The following NKX6-1 variants were observed in gnomAD, a reference collection of about 807,000 sequenced individuals.
NKX6-1 encodes the protein NK6 homeobox 1.
Under a neutral mutation model 24.9 loss-of-function variants are expected in NKX6-1, and 11 were observed. The observed-to-expected ratio is 0.44, with a 90% CI of 0.28 to 0.73. The LOEUF (loss-of-function observed/expected upper bound fraction) is 0.73. Among genes scored for constraint, NKX6-1 ranks in the 30% least tolerant of loss-of-function variants. The pLI, the probability that NKX6-1 is intolerant of heterozygous loss-of-function variation, is 0.15. For synonymous variants in NKX6-1, 277 were observed against 242.9 expected, an observed-to-expected ratio of 1.14 and a Z score of -1.31; for missense variants, 487 against 502.9, an observed-to-expected ratio of 0.97 and a Z score of 0.30.
chr4:84,498,308 G>A lies in NKX6-1; in HGVS notation c.-80C>T, dbSNP rs1177692537. ...CCCGCGGGGCTCAGAGGAGCCGGAAGCGCCGAGGGCGCGAGCGGAGAGGCA... is the reference window on the plus strand; with the variant it reads ...CCCGCGGGGCTCAGAGGAGCCGGAAACGCCGAGGGCGCGAGCGGAGAGGCA... On this transcript the variant is annotated 5_prime_UTR_variant, in exon 1 of 3. Coordinates refer to ENST00000295886, the MANE Select transcript of NKX6-1 (RefSeq NM_006168.3). 7 of 1,260,624 alleles carry A rather than the reference G, an allele frequency of 5.6e-6. No individual in the cohort carries two copies. Among genetic ancestry groups the A allele is most frequent in the Non-Finnish European group, 7.0e-6 (7 of 1,002,824 alleles). 78.1% of individuals were successfully genotyped at this position (1,260,624 alleles called of 1,614,324 possible). A position where few individuals can be genotyped will look rare whatever the true frequency, so the allele number is the denominator to read the frequency against.
rs1325492497 is a variant in NKX6-1, at chr4:84,497,971, G to A, written c.258C>T (p.Pro86=). Residue 86 remains proline, a synonymous_variant, in exon 1 of 3, where the codon CCC becomes CCT. Transcript: ENST00000295886. This position sits in a 1 kb window ranked among gnomAD's most constrained non-coding sequence, Gnocchi z 4.8. Reference sequence around the variant, plus strand: ...GGGTGGCGGCCGAGAGCTGCTGCGGGGGGCTGCCGAGGGATGAGAGCCCCC... The same window carrying A: ...GGGTGGCGGCCGAGAGCTGCTGCGGAGGGCTGCCGAGGGATGAGAGCCCCC... ...ATGGLSSLGS[P]PQQLSAATPH... The A allele has an allele frequency of 6.2e-6, 8 of 1,298,044 alleles. No homozygotes were observed. Among genetic ancestry groups the A allele is most frequent in the Non-Finnish European group, 7.8e-6 (8 of 1,019,976 alleles). 80.4% of individuals were successfully genotyped at this position (1,298,044 alleles called of 1,614,324 possible).
chr4:84,496,275 C>T (rs1373576114), intron 1 of NKX6-1, among the ~76,000 whole-genome samples: 1 of 152,012 alleles, frequency 6.6e-6, no homozygotes, highest in East Asian at 1.9e-4. Flanking sequence ...CTTCCCTAAC[C>T]TGTGTCCAGG....
At chr4:84,495,933 A>G (rs920429639) in intron 1 of NKX6-1, 89 bp from the exon 2 acceptor site, 11 of 1,335,680 alleles carry the variant, frequency 8.2e-6, no homozygotes, top group Admixed American at 1.8e-5. Context: ...TCGAAAAACA[A>G]TGTTTTGTGG....
chr4:84,494,344 T>G (rs1720780697), intron 2 of NKX6-1, among the ~76,000 whole-genome samples: 1 of 152,234 alleles, frequency 6.6e-6, no homozygotes. Context: ...CTTTCAAATG[T>G]TATTTTAACT....
At position 84,497,892 on chromosome 4, in the gene NKX6-1, C is replaced by A; in HGVS notation, c.337G>T (p.Ala113Ser). The A allele has an allele frequency of 2.3e-6, 3 of 1,283,272 alleles. No individual in the cohort carries two copies. The highest frequency in any genetic ancestry group is 2.9e-5 in the East Asian group (1 of 34,224). 79.5% of individuals were successfully genotyped at this position (1,283,272 alleles called of 1,614,324 possible). ...SRPSMPVASGAALPSASPSGS... is the reference protein window; with the variant it reads ...SRPSMPVASGSALPSASPSGS... ...GAGGGCGAGGCGGAGGGCAGGGCGG[C>A]CCCCGAGGCCACGGGCATGGAGGGC... is the stretch of plus-strand genomic sequence containing the variant. Residue 113 changes from alanine to serine, a missense_variant, in exon 1 of 3, where the codon GCC (alanine) becomes TCC (serine). Physicochemically the swap from Ala to Ser is moderately conservative, Grantham distance 99. Around this residue, in one of 3 missense-constraint regions of NKX6-1, gnomAD observed 316 missense variants for 311.4 expected, o/e 1.01. Transcript: ENST00000295886. The surrounding 1 kb of genome is among the most constrained non-coding windows in gnomAD (Gnocchi z 4.8).
At position 84,493,518 on chromosome 4, in the gene NKX6-1, C is replaced by T; in HGVS notation, c.875G>A (p.Arg292Lys). The change falls in exon 3 of 3, where the codon AGG becomes AAG. Residue 292 changes from arginine to lysine, a missense_variant. Around this residue, in one of 3 missense-constraint regions of NKX6-1, gnomAD observed 126 missense variants for 105.5 expected, o/e 1.19. Transcript: ENST00000295886. The surrounding 1 kb of genome is among the most constrained non-coding windows in gnomAD (Gnocchi z 5.1). Reference sequence around the variant, plus strand: ...GGCCATCTCGGCAGCGTGCTTCTTCCTCCACTTGGTCCGGCGGTTCTGGAA... The same window carrying T: ...GGCCATCTCGGCAGCGTGCTTCTTCTTCCACTTGGTCCGGCGGTTCTGGAA... ...VWFQNRRTKW[R>K]KKHAAEMATA... is the part of the protein sequence containing the mutation. 1 of 1,614,224 alleles carries T rather than the reference C, an allele frequency of 6.2e-7. No homozygotes were observed. The highest frequency in any genetic ancestry group is 8.5e-7 in the Non-Finnish European group (1 of 1,180,048).
Position 84,491,994 on chromosome 4 carries a change from TG to T in NKX6-1, c.*1294del. 1 of 152,230 alleles carries T rather than the reference TG, an allele frequency of 6.6e-6. No individual in the cohort carries two copies. Among genetic ancestry groups the T allele is most frequent in the Non-Finnish European group, 1.5e-5 (1 of 68,042 alleles). 9.4% of individuals were successfully genotyped at this position (152,230 alleles called of 1,614,324 possible). On this transcript the variant is annotated 3_prime_UTR_variant, in exon 3 of 3. Transcript: ENST00000295886. ...TTCAAGGCAACAGACGTCTTCAAAC[TG>T]TTTTTTTTAATTTGATTTATCCTTT...
At position 84,498,016 on chromosome 4, in the gene NKX6-1, G is replaced by C; in HGVS notation, c.213C>G (p.Gly71=). ...SPPLGTHNPG[G]LKPPATGGLS... is the part of the protein sequence containing the mutation. Reference sequence around the variant, plus strand: ...GCCCCCCCGTGGCCGGGGGCTTCAGGCCGCCTGGGTTGTGGGTGCCCAGAG... The same window carrying C: ...GCCCCCCCGTGGCCGGGGGCTTCAGCCCGCCTGGGTTGTGGGTGCCCAGAG... Residue 71 remains glycine (G), a synonymous_variant, in exon 1 of 3, where the codon GGC becomes GGG. Coordinates refer to ENST00000295886, the MANE Select transcript of NKX6-1 (RefSeq NM_006168.3). 7.8e-7 allele frequency: 1 copy of C among 1,275,342 alleles called. No homozygotes were observed. Among genetic ancestry groups the C allele is most frequent in the South Asian group, 3.5e-5 (1 of 28,544 alleles). 79.0% of individuals were successfully genotyped at this position (1,275,342 alleles called of 1,614,324 possible).
Position 84,497,865 on chromosome 4 carries a change from C to A in NKX6-1, c.364G>T (p.Gly122Cys). The change falls in exon 1 of 3, where the codon GGT becomes TGT. Residue 122 changes from glycine to cysteine, a missense_variant. Gly to Cys is a radical substitution (Grantham distance 159). Transcript: ENST00000295886. The surrounding 1 kb of genome is among the most constrained non-coding windows in gnomAD (Gnocchi z 4.8). ...GACGAGGAAGAGGAGGAGGAGGAAC[C>A]GGAGGGCGAGGCGGAGGGCAGGGCG... is the stretch of plus-strand genomic sequence containing the variant. ...GAALPSASPS[G>C]SSSSSSSSAS... is the part of the protein sequence containing the mutation. The A allele has an allele frequency of 1.6e-6, 2 of 1,279,608 alleles. No individual in the cohort carries two copies. Among genetic ancestry groups the A allele is most frequent in the Non-Finnish European group, 2.0e-6 (2 of 1,015,218 alleles). 79.3% of individuals were successfully genotyped at this position (1,279,608 alleles called of 1,614,324 possible).
rs1720755801 is a variant in NKX6-1, at chr4:84,493,142, C to T, written c.*147G>A. ...AGGTTAAAAAAATAGATATGTACAT[C>T]TCAAAAATAGCAAAGGGTCCCCGCA... is the stretch of plus-strand genomic sequence containing the variant. On this transcript the variant is annotated 3_prime_UTR_variant, in exon 3 of 3. Coordinates refer to ENST00000295886, the MANE Select transcript of NKX6-1 (RefSeq NM_006168.3). The surrounding 1 kb of genome is among the most constrained non-coding windows in gnomAD (Gnocchi z 5.1). 3 of 659,826 alleles carry T rather than the reference C, an allele frequency of 4.5e-6. No individual in the cohort carries two copies. Among genetic ancestry groups the T allele is most frequent in the Middle Eastern group, 4.5e-4 (1 of 2,232 alleles). 40.9% of individuals were successfully genotyped at this position (659,826 alleles called of 1,614,324 possible). A position where few individuals can be genotyped will look rare whatever the true frequency, so the allele number is the denominator to read the frequency against.
chr4:84,498,197 C>G lies in NKX6-1; in HGVS notation c.32G>C (p.Arg11Pro). The change falls in exon 1 of 3, where the codon CGG becomes CCG. Residue 11 changes from arginine to proline, a missense_variant. This residue lies in a region of NKX6-1 where 316 missense variants were observed against 311.4 expected (regional missense o/e 1.01). Coordinates refer to ENST00000295886, the MANE Select transcript of NKX6-1 (RefSeq NM_006168.3). ...GCTGCTGAGCAGGAATGCGCTCTGC[C>G]GGGTGCCCTCCATTGCCCCCACCGC... is the stretch of plus-strand genomic sequence containing the variant. MLAVGAMEGT[R>P]QSAFLLSSPP... 1 of 1,297,236 alleles carries G rather than the reference C, an allele frequency of 7.7e-7. No homozygotes were observed. Among genetic ancestry groups the G allele is most frequent in the Non-Finnish European group, 9.8e-7 (1 of 1,022,486 alleles). The allele number at this position is 1,297,236 out of a possible 1,614,324, so 80.4% of individuals were successfully genotyped here.
chr4:84,493,243 C>A lies in NKX6-1; in HGVS notation c.*46G>T, dbSNP rs1720758479. ...CGCGGTCCCCGCGCCCCTCGCGGCC[C>A]CAGAGGTGGAGGCCGGAGCCGGGAA... On this transcript the variant is annotated 3_prime_UTR_variant, in exon 3 of 3. Transcript: ENST00000295886. This position sits in a 1 kb window ranked among gnomAD's most constrained non-coding sequence, Gnocchi z 5.1. 3 of 1,484,278 alleles carry A rather than the reference C, an allele frequency of 2.0e-6. No individual in the cohort carries two copies. The highest frequency in any genetic ancestry group is 1.4e-5 in the African/African-American group (1 of 69,204). The allele number at this position is 1,484,278 out of a possible 1,614,324, so 91.9% of individuals were successfully genotyped here.
rs907481524 is a variant in NKX6-1, at chr4:84,498,809, C to A, written c.-581G>T. Among the ~76,000 whole-genome samples the A allele has an allele frequency of 6.6e-6, 1 of 152,162 alleles. No homozygotes were observed. The highest frequency in any genetic ancestry group is 1.5e-5 in the Non-Finnish European group (1 of 68,026). ...ACGCTCACTGTGCCCGGGGAGAAAGCGCATCCAGCCCGCGGGAGATCTAGC... is the reference window on the plus strand; with the variant it reads ...ACGCTCACTGTGCCCGGGGAGAAAGAGCATCCAGCCCGCGGGAGATCTAGC... On this transcript the variant is annotated 5_prime_UTR_variant, in exon 1 of 3. Transcript: ENST00000295886.
In NKX6-1 at chr4:84,495,857, A is replaced by T. The variant is rs750045051; in HGVS notation, c.671-13T>A. The T allele has an allele frequency of 6.2e-7, 1 of 1,613,408 alleles. No individual in the cohort carries two copies. The highest frequency in any genetic ancestry group is 1.7e-5 in the Admixed American group (1 of 60,006). ...ATGGATCCTTGATCTGTGAGAACCA[A>T]TAAACAACGAGAGAGGGGGAAAAAC... On this transcript the variant is annotated splice_polypyrimidine_tract_variant and intron_variant, in intron 1 of 2. Transcript: ENST00000295886.
In NKX6-1 at chr4:84,497,434, C is replaced by T; in HGVS notation, c.670+125G>A. 2 of 1,214,022 alleles carry T rather than the reference C, an allele frequency of 1.6e-6. No individual in the cohort carries two copies. The highest frequency in any genetic ancestry group is 3.2e-5 in the East Asian group (1 of 31,508). The allele number at this position is 1,214,022 out of a possible 1,614,324, so 75.2% of individuals were successfully genotyped here. On this transcript the variant is annotated intron_variant, in intron 1 of 2. Coordinates refer to ENST00000295886, the MANE Select transcript of NKX6-1 (RefSeq NM_006168.3). The surrounding 1 kb of genome is among the most constrained non-coding windows in gnomAD (Gnocchi z 4.8). ...CCCAACCTAACTGGTGTGATTCCGGCGCTGTCAAACTACTGGGGCGGGCCA... is the reference window on the plus strand; with the variant it reads ...CCCAACCTAACTGGTGTGATTCCGGTGCTGTCAAACTACTGGGGCGGGCCA...
At position 84,493,448 on chromosome 4, in the gene NKX6-1, C is replaced by T; in HGVS notation, c.945G>A (p.Gly315=). The T allele has an allele frequency of 1.2e-6, 2 of 1,614,260 alleles. No individual in the cohort carries two copies. Among genetic ancestry groups the T allele is most frequent in the African/African-American group, 1.3e-5 (1 of 75,078 alleles). The change falls in exon 3 of 3, where the codon GGG becomes GGA. Residue 315 remains glycine (G), a synonymous_variant. Coordinates refer to ENST00000295886, the MANE Select transcript of NKX6-1 (RefSeq NM_006168.3). This position sits in a 1 kb window ranked among gnomAD's most constrained non-coding sequence, Gnocchi z 5.1. ...CGTCCTCTTCCTCGTTCTCCGAGGC[C>T]CCCTTGAGGCGCTCTGTCTCCGAGT... ...KQDSETERLK[G]ASENEEEDDD...
chr4:84,498,291 G>T lies in NKX6-1; in HGVS notation c.-63C>A, dbSNP rs1397896021. 5.5e-6 allele frequency: 7 copies of T among 1,276,402 alleles called. No homozygotes were observed. In the East Asian group the frequency reaches 1.2e-4, roughly 21 times the overall value. 79.1% of individuals were successfully genotyped at this position (1,276,402 alleles called of 1,614,324 possible). A position where few individuals can be genotyped will look rare whatever the true frequency, so the allele number is the denominator to read the frequency against. On this transcript the variant is annotated 5_prime_UTR_variant, in exon 1 of 3. Coordinates refer to ENST00000295886, the MANE Select transcript of NKX6-1 (RefSeq NM_006168.3). ...GGCGCTGGCTGGTGCCCCCCGCGGG[G>T]CTCAGAGGAGCCGGAAGCGCCGAGG...
In NKX6-1 at chr4:84,499,092, G is replaced by A. The variant is rs1296092887; in HGVS notation, c.-864C>T. Among the ~76,000 whole-genome samples, 1 of 151,960 alleles carries A rather than the reference G, an allele frequency of 6.6e-6. No individual in the cohort carries two copies. Among genetic ancestry groups the A allele is most frequent in the Non-Finnish European group, 1.5e-5 (1 of 67,972 alleles). ...TCTGCAAACGGGCCCGGCGACCCCC[G>A]CCCCACCCCCGCTCCCTCTCTCCCT... On this transcript the variant is annotated 5_prime_UTR_variant, in exon 1 of 3. Coordinates refer to ENST00000295886, the MANE Select transcript of NKX6-1 (RefSeq NM_006168.3).
intron 2 of NKX6-1, 41 bp downstream of exon 2, chr4:84,495,631 G>A (rs763698121): frequency 2.5e-5 from 39 of 1,575,486 alleles, no homozygotes; most frequent in Non-Finnish European, 3.2e-5. Context: ...GCGCGCGACA[G>A]GGGCGGTACC....
Sources: allele counts gnomAD v4.1 joint callset (sites outside exome capture counted in the v4.1 genomes callset), GRCh38; gene constraint gnomAD v4.1.1; regional missense constraint gnomAD v4.1.1; non-coding constraint Gnocchi (gnomAD v3.1); transcripts MANE v1.5; gene names NCBI Gene and HGNC (gene_info 2026-07-23, HGNC 2026-07-21).